DNAJB14: variants seen among roughly 807,000 people sequenced by gnomAD.
The protein encoded by DNAJB14 is DnaJ heat shock protein family (Hsp40) member B14.
DNAJB14 carries 22 observed loss-of-function variants against 48.4 expected under a neutral mutation model. The observed-to-expected ratio is 0.45, with a 90% CI of 0.32 to 0.65. The LOEUF (loss-of-function observed/expected upper bound fraction) is 0.65, where lower values mean the gene tolerates loss of function less well. DNAJB14 is among the 30% of genes least tolerant of loss of function. The pLI is 0.03. For synonymous variants in DNAJB14, 142 were observed against 158.7 expected (o/e 0.89, Z 0.79); for missense variants, 319 against 458.8 (o/e 0.70, Z 2.78).
In DNAJB14 at chr4:99,905,710, T is replaced by TA. The variant is rs761182629; in HGVS notation, c.733-5dup. 6.2e-7 allele frequency: 1 copy of TA among 1,608,664 alleles called. No individual in the cohort carries two copies. Among genetic ancestry groups the TA allele is most frequent in the South Asian group, 1.1e-5 (1 of 90,726 alleles). Reference sequence around the variant, plus strand: ...GGATAAACACAGAAAAACCTCCCTATAAAAAATGATCAAAGAATAACAAAT... The same window carrying TA: ...GGATAAACACAGAAAAACCTCCCTATAAAAAAATGATCAAAGAATAACAAAT... On this transcript the variant is annotated splice_region_variant and splice_polypyrimidine_tract_variant and intron_variant, in intron 5 of 7. Coordinates refer to ENST00000442697, the MANE Select transcript of DNAJB14 (RefSeq NM_001031723.4).
chr4:99,931,299 T>C (rs1291830419), intron 1 of DNAJB14, among the ~76,000 whole-genome samples: 1 of 152,106 alleles, frequency 6.6e-6, no homozygotes, highest in Non-Finnish European at 1.5e-5. Flanking sequence ...GGATTTGCTT[T>C]TTAATAATCT....
intron 3 of DNAJB14, among the ~76,000 whole-genome samples, chr4:99,919,114 T>C (rs1725959208): frequency 6.6e-6 from 1 of 152,056 alleles, no homozygotes; most frequent in South Asian, 2.1e-4. Context: ...GGGGCCACAA[T>C]TTTTCCTGTG....
Position 99,946,419 on chromosome 4 carries a change from A to G in DNAJB14, c.133+20T>C, listed in dbSNP as rs1315087675. 1.9e-6 allele frequency: 3 copies of G among 1,601,614 alleles called. No homozygotes were observed. Among genetic ancestry groups the G allele is most frequent in the South Asian group, 2.2e-5 (2 of 89,420 alleles). ...TGGTCTGGGGATTGGGCAGGAAGAG[A>G]AGGGACGCTGAGGTCTCACCGCGGG... On this transcript the variant is annotated intron_variant, in intron 1 of 7. Transcript: ENST00000442697.
At chr4:99,924,347 C>G (rs1726172613) in intron 2 of DNAJB14, 1 of 151,368 alleles carries the variant, frequency 6.6e-6, no homozygotes, top group South Asian at 2.0e-4. Context: ...TATTAGTTAT[C>G]ACAGTGCTTG....
chr4:99,924,741 G>T (rs778884826), intron 2 of DNAJB14: 162 of 1,610,882 alleles, frequency 1.0e-4, no homozygotes, highest in Non-Finnish European at 1.2e-4. Flanking sequence ...GAAATGGGGG[G>T]CATTTATAAA....
chr4:99,910,042 AG>A (rs1389011070), intron 3 of DNAJB14, among the ~76,000 whole-genome samples: 2 of 152,064 alleles, frequency 1.3e-5, no homozygotes, highest in African/African-American at 4.8e-5. Context: ...TGGCTGCCAT[AG>A]GTACTGTACA....
intron 7 of DNAJB14, among the ~76,000 whole-genome samples, chr4:99,902,088 C>G (rs897949863): frequency 2.6e-5 from 4 of 152,150 alleles, no homozygotes; most frequent in African/African-American, 9.7e-5. Flanking sequence ...TATCTATTTA[C>G]AGATGACTCT....
intron 1 of DNAJB14, 23 bp downstream of exon 1, chr4:99,946,416 G>A (rs1212880893): frequency 1.3e-6 from 2 of 1,599,210 alleles, no homozygotes; most frequent in Middle Eastern, 1.7e-4. Context: ...TGGGCAGGAA[G>A]AGAAGGGACG....
rs1373414019 is a variant in DNAJB14, at chr4:99,900,351, T to C, written c.*677A>G. On this transcript the variant is annotated 3_prime_UTR_variant, in exon 8 of 8. Coordinates refer to ENST00000442697, the MANE Select transcript of DNAJB14 (RefSeq NM_001031723.4). ...CAGTATAGCATTTCATTTCTATGCA[T>C]GTATATGTATAGTAATTCATAAAAC... 2.0e-5 allele frequency: 3 copies of C among 152,054 alleles called. No homozygotes were observed. The highest frequency in any genetic ancestry group is 4.4e-5 in the Non-Finnish European group (3 of 67,912). 9.4% of individuals were successfully genotyped at this position (152,054 alleles called of 1,614,324 possible).
In DNAJB14 at chr4:99,900,890, A is replaced by T; in HGVS notation, c.*138T>A. The T allele has an allele frequency of 1.1e-6, 1 of 905,352 alleles. No individual in the cohort carries two copies. Among genetic ancestry groups the T allele is most frequent in the Non-Finnish European group, 1.6e-6 (1 of 633,050 alleles). 56.1% of individuals were successfully genotyped at this position (905,352 alleles called of 1,614,324 possible). On this transcript the variant is annotated 3_prime_UTR_variant, in exon 8 of 8. Transcript: ENST00000442697. Reference sequence around the variant, plus strand: ...ATTTAAAGGAGCCAGTAGGTCATAAACAGTCCAAGATTTCAGGAACCAACT... The same window carrying T: ...ATTTAAAGGAGCCAGTAGGTCATAATCAGTCCAAGATTTCAGGAACCAACT...
intron 2 of DNAJB14, chr4:99,924,018 A>C (rs1399263782): frequency 1.5e-5 from 5 of 335,146 alleles, no homozygotes; most frequent in Non-Finnish European, 2.1e-5. Flanking sequence ...TTAAGCCTGA[A>C]ATCTTTAAAG....
intron 1 of DNAJB14, among the ~76,000 whole-genome samples, chr4:99,938,223 T>TA (rs1726758279): frequency 9.2e-6 from 1 of 108,418 alleles, no homozygotes; most frequent in Non-Finnish European, 1.9e-5. Flanking sequence ...TGAGCAGAAA[T>TA]TAAAAAAAAA....
intron 2 of DNAJB14, chr4:99,926,536 C>T (rs1365149167): frequency 6.6e-6 from 1 of 152,092 alleles, no homozygotes; most frequent in Non-Finnish European, 1.5e-5. Context: ...AAACACTGAA[C>T]AATCCTAAAG....
Position 99,924,706 on chromosome 4 carries a change from T to C in DNAJB14, c.306-1521A>G. 1.1e-5 allele frequency: 17 copies of C among 1,604,790 alleles called. No individual in the cohort carries two copies. In the South Asian group the frequency reaches 1.9e-4, roughly 18 times the overall value. On this transcript the variant is annotated intron_variant, in intron 2 of 7. Transcript: ENST00000442697. Reference sequence around the variant, plus strand: ...AGAGACTCATTCTCCTAGAAATGTTTAGAAGCTATGTGATAGAAAAAAAGG... The same window carrying C: ...AGAGACTCATTCTCCTAGAAATGTTCAGAAGCTATGTGATAGAAAAAAAGG...
At chr4:99,907,828 T>A (rs1159525691) in intron 4 of DNAJB14, among the ~76,000 whole-genome samples, 3 of 152,144 alleles carry the variant, frequency 2.0e-5, no homozygotes, top group Admixed American at 6.6e-5. Flanking sequence ...TAAACAAGAC[T>A]AAAGCTATAA....
At chr4:99,927,724 A>G (rs1726306151) in intron 2 of DNAJB14, 1 of 152,216 alleles carries the variant, frequency 6.6e-6, no homozygotes, top group Non-Finnish European at 1.5e-5. Flanking sequence ...TACTTATGCA[A>G]TGGATGCAGT....
intron 3 of DNAJB14, among the ~76,000 whole-genome samples, chr4:99,922,141 A>G (rs1033397353): frequency 6.6e-6 from 1 of 152,212 alleles, no homozygotes; most frequent in Non-Finnish European, 1.5e-5. Flanking sequence ...TTATTGGAAT[A>G]TATTATTAAT....
Position 99,930,505 on chromosome 4 carries a change from C to G in DNAJB14, c.250G>C (p.Gly84Arg). 6.2e-7 allele frequency: 1 copy of G among 1,611,552 alleles called. No homozygotes were observed. The highest frequency in any genetic ancestry group is 8.5e-7 in the Non-Finnish European group (1 of 1,178,626). Residue 84 changes from glycine (G) to arginine (R), a missense_variant, in exon 2 of 8, where the codon GGT becomes CGT. Physicochemically the swap from Gly to Arg is moderately radical, Grantham distance 125. This residue lies in a region of DNAJB14 where 116 missense variants were observed against 134.6 expected (regional missense o/e 0.86). Transcript: ENST00000442697. ...KPNCTKDSTS[G>R]SGEGGKGYTK... Reference sequence around the variant, plus strand: ...TAGCCTTTTCCACCTTCACCACTACCAGATGTGCTGTCCTTTGTGCAATTA... The same window carrying G: ...TAGCCTTTTCCACCTTCACCACTACGAGATGTGCTGTCCTTTGTGCAATTA...
intron 2 of DNAJB14, chr4:99,929,465 T>C (rs1457436437): frequency 2.0e-5 from 3 of 152,174 alleles, no homozygotes; most frequent in Non-Finnish European, 4.4e-5. Flanking sequence ...TTTAAATATA[T>C]AGGGACAAAT....
Sources: gnomAD v4.1 joint callset for allele counts (sites outside exome capture counted in the v4.1 genomes callset) on GRCh38, gnomAD v4.1.1 for gene constraint, gnomAD v4.1.1 regional missense constraint, MANE v1.5 for transcripts, NCBI Gene and HGNC (gene_info 2026-07-23, HGNC 2026-07-21) for gene names.